API5: variants seen among roughly 807,000 people sequenced by gnomAD.
API5 encodes FIF.
API5 carries 6 observed loss-of-function variants against 71.9 expected under a neutral mutation model. The ratio of observed to expected loss-of-function variants is 0.08; its 90% CI spans 0.05 to 0.16. API5 has a LOEUF of 0.16. Ranked by LOEUF, API5 falls within the 10% of genes least tolerant of loss-of-function variation. The pLI is 1.00. For synonymous variants in API5, 189 were observed against 221.3 expected (o/e 0.85, Z 1.30); for missense variants, 332 against 612.8 (o/e 0.54, Z 4.84).
At chr11:43,312,811 A>C (rs1452487390) in intron 1 of API5, among the ~76,000 whole-genome samples, 6 of 152,084 alleles carry the variant, frequency 3.9e-5, no homozygotes, top group African/African-American at 1.4e-4. Flanking sequence ...TGTAGTAAGA[A>C]AGATAGGCAT....
chr11:43,321,719 T>C (rs548036839), intron 4 of API5, among the ~76,000 whole-genome samples: 60 of 152,314 alleles, frequency 3.9e-4, no homozygotes, highest in Non-Finnish European at 6.6e-4. Flanking sequence ...TTTGACACTT[T>C]CAAGAAATTC....
chr11:43,333,807 G>A (rs537867791), intron 11 of API5, among the ~76,000 whole-genome samples: 14 of 150,826 alleles, frequency 9.3e-5, no homozygotes, highest in South Asian at 8.3e-4. Context: ...GGAAGGCAAC[G>A]GTCATGCATC....
At chr11:43,316,560 A>T (rs1854679120) in intron 1 of API5, among the ~76,000 whole-genome samples, 1 of 152,192 alleles carries the variant, frequency 6.6e-6, no homozygotes, top group Non-Finnish European at 1.5e-5. Context: ...AACCACAGGA[A>T]TGTAAAGTGG....
chr11:43,342,312 A>G (rs768808748), intron 13 of API5, 116 bp from the exon 14 acceptor site: 16 of 799,780 alleles, frequency 2.0e-5, no homozygotes, highest in Non-Finnish European at 3.2e-5. Context: ...GCAGAATATT[A>G]GTTCTGTTCT....
intron 13 of API5, among the ~76,000 whole-genome samples, chr11:43,341,673 C>T (rs1446746009): frequency 6.6e-6 from 1 of 152,002 alleles, no homozygotes; most frequent in Non-Finnish European, 1.5e-5. Flanking sequence ...ACCACTATAG[C>T]ATGACTATAG....
chr11:43,332,353 G>A (rs748090542), intron 11 of API5, among the ~76,000 whole-genome samples: 1 of 152,098 alleles, frequency 6.6e-6, no homozygotes, highest in Non-Finnish European at 1.5e-5. Context: ...AGTCCCACAA[G>A]ACCACTTCTG....
At chr11:43,321,933 C>T in intron 4 of API5, 52 bp from the exon 5 acceptor site, 1 of 1,510,586 alleles carries the variant, frequency 6.6e-7, no homozygotes, top group South Asian at 1.3e-5. Context: ...AATGGGAAAA[C>T]ACCATTACAC....
In API5 at chr11:43,318,683, G is replaced by A. The variant is rs35999189; in HGVS notation, c.113G>A (p.Gly38Asp). Residue 38 changes from glycine (G) to aspartate (D), a missense_variant, in exon 2 of 14, where the codon GGT (glycine) becomes GAT (aspartate). Gly to Asp is a moderately conservative substitution (Grantham distance 94). This residue lies in a region of API5 where 127 missense variants were observed against 237.6 expected (regional missense o/e 0.53). Coordinates refer to ENST00000531273, the MANE Select transcript of API5 (RefSeq NM_001142930.2). ...YQVILDGVKG[G>D]TKEKRLAAQF... is the part of the protein sequence containing the mutation. ...GTGATATTGGATGGTGTGAAAGGTG[G>A]TACTAAGGAAAAGCGATTAGCAGCT... The A allele has an allele frequency of 6.2e-7, 1 of 1,613,326 alleles. No individual in the cohort carries two copies. Among genetic ancestry groups the A allele is most frequent in the African/African-American group, 1.3e-5 (1 of 74,908 alleles).
At chr11:43,313,950 G>A (rs1334868188) in intron 1 of API5, among the ~76,000 whole-genome samples, 1 of 152,072 alleles carries the variant, frequency 6.6e-6, no homozygotes, top group Non-Finnish European at 1.5e-5. Flanking sequence ...TTAGCCAGGC[G>A]TGGTGGCATG....
intron 11 of API5, chr11:43,331,212 A>T (rs1015925914): frequency 1.3e-5 from 2 of 152,742 alleles, no homozygotes; most frequent in Non-Finnish European, 2.9e-5. Flanking sequence ...TGAAGGGCTT[A>T]GGGATACGGA....
In API5 at chr11:43,344,460, C is replaced by T. The variant is rs544534085; in HGVS notation, c.*1950C>T. 9.2e-5 allele frequency: 14 copies of T among 152,478 alleles called. No homozygotes were observed. Among genetic ancestry groups the T allele is most frequent in the African/African-American group, 3.4e-4 (14 of 41,384 alleles). 9.4% of individuals were successfully genotyped at this position (152,478 alleles called of 1,614,324 possible). ...ATGGATTTTTTTCTTTTGCAAGACA[C>T]CTGTTTATCATCTTGTTTAAATGTA... On this transcript the variant is annotated 3_prime_UTR_variant, in exon 14 of 14. Transcript: ENST00000531273.
Position 43,323,465 on chromosome 11 carries a change from A to G in API5, c.579A>G (p.Leu193=), listed in dbSNP as rs1250732921. ...ATGTGACTGGTGAAGAATTTGTTCT[A>G]TTTATGAAGATACTGTCTGGGTTAA... ...LEDVTGEEFV[L]FMKILSGLKS... The change falls in exon 6 of 14, where the codon CTA becomes CTG. Residue 193 remains leucine, a synonymous_variant. Transcript: ENST00000531273. 13 of 1,614,062 alleles carry G rather than the reference A, an allele frequency of 8.1e-6. No individual in the cohort carries two copies. Among genetic ancestry groups the G allele is most frequent in the South Asian group, 1.1e-5 (1 of 91,086 alleles).
At chr11:43,316,894 C>CA (rs1854691580) in intron 1 of API5, among the ~76,000 whole-genome samples, 1 of 152,204 alleles carries the variant, frequency 6.6e-6, no homozygotes, top group Admixed American at 6.5e-5. Flanking sequence ...CCTGAAGACT[C>CA]ATATATCTGC....
At chr11:43,328,973 A>C (rs76153684) in intron 9 of API5, 80 bp downstream of exon 9, 4 of 1,438,390 alleles carry the variant, frequency 2.8e-6, no homozygotes. Flanking sequence ...CTTTTGTTCT[A>C]TGAGAGCTCC....
intron 1 of API5, among the ~76,000 whole-genome samples, chr11:43,317,481 A>C (rs888514654): frequency 6.6e-6 from 1 of 152,144 alleles, no homozygotes; most frequent in African/African-American, 2.4e-5. Context: ...TTGTCTGGCT[A>C]TATGGAGTGA....
chr11:43,327,914 T>C, intron 8 of API5, 36 bp downstream of exon 8: 1 of 1,315,896 alleles, frequency 7.6e-7, no homozygotes, highest in South Asian at 1.4e-5. Flanking sequence ...GGATAGTCAG[T>C]ATATAGCTCA....
chr11:43,327,661 C>A, intron 7 of API5, 128 bp from the exon 8 acceptor site: 1 of 642,096 alleles, frequency 1.6e-6, no homozygotes, highest in Non-Finnish European at 2.5e-6. Flanking sequence ...GGTTTTCTTC[C>A]ATTTCAAATG....
intron 2 of API5, among the ~76,000 whole-genome samples, chr11:43,320,336 G>A (rs1021675971): frequency 5.9e-5 from 9 of 151,928 alleles, no homozygotes; most frequent in African/African-American, 2.2e-4. Flanking sequence ...GAGCCACCAC[G>A]CCCGGCCAAT....
chr11:43,326,178 T>A (rs1297874737), intron 6 of API5, among the ~76,000 whole-genome samples: 3 of 152,228 alleles, frequency 2.0e-5, no homozygotes, highest in Non-Finnish European at 4.4e-5. Flanking sequence ...ATTGACATGG[T>A]TAAGTTCCCA....
Sources: gnomAD v4.1 joint callset for allele counts (sites outside exome capture counted in the v4.1 genomes callset) on GRCh38, gnomAD v4.1.1 for gene constraint, gnomAD v4.1.1 regional missense constraint, MANE v1.5 for transcripts, NCBI Gene and HGNC (gene_info 2026-07-23, HGNC 2026-07-21) for gene names.